RIC3: variants seen among roughly 807,000 people sequenced by gnomAD.
The protein encoded by RIC3 is protein RIC-3.
RIC3 carries 28 observed loss-of-function variants against 27.3 expected under a neutral mutation model. The ratio of observed to expected loss-of-function variants is 1.02; its 90% CI spans 0.76 to 1.41. The LOEUF (loss-of-function observed/expected upper bound fraction) is 1.41, where lower values mean the gene tolerates loss of function less well. Ranked by LOEUF, RIC3 falls within the 40% of genes most tolerant of loss-of-function variation. RIC3 has a pLI of 0.00. For missense variants in RIC3, 501 were observed against 444.7 expected (o/e 1.13, Z -1.14); for synonymous variants, 184 against 160.4 (o/e 1.15, Z -1.11).
the RIC3 span, chr11:8,100,974 T>C: frequency 6.2e-7 from 1 of 1,614,148 alleles, no homozygotes; most frequent in Non-Finnish European, 8.5e-7. Context: ...GTGAAGAACT[T>C]CCAGATCATC....
At chr11:8,143,857 C>G (rs1949350371) in intron 1 of RIC3, among the ~76,000 whole-genome samples, 1 of 152,050 alleles carries the variant, frequency 6.6e-6, no homozygotes. Flanking sequence ...CAGAACAGAG[C>G]CCTCAGAAAT....
the RIC3 span, among the ~76,000 whole-genome samples, chr11:8,100,071 G>A: frequency 6.6e-6 from 1 of 152,150 alleles, no homozygotes; most frequent in Non-Finnish European, 1.5e-5. Flanking sequence ...TGGGAAGGAG[G>A]AATAGGAGGG....
At chr11:8,166,975 G>C (rs1951749235) in intron 1 of RIC3, among the ~76,000 whole-genome samples, 1 of 151,970 alleles carries the variant, frequency 6.6e-6, no homozygotes, top group South Asian at 2.1e-4. Flanking sequence ...AAAATACATA[G>C]CTTTTATAAG....
chr11:8,142,484 T>C (rs1379443805), intron 1 of RIC3, among the ~76,000 whole-genome samples: 1 of 149,962 alleles, frequency 6.7e-6, no homozygotes, highest in Non-Finnish European at 1.5e-5. Context: ...CAGGAAGAAG[T>C]TGAATCTCTG....
intron 4 of RIC3, among the ~76,000 whole-genome samples, chr11:8,132,363 T>TA (rs1319215084): frequency 2.0e-5 from 3 of 152,206 alleles, no homozygotes; most frequent in African/African-American, 7.2e-5. Flanking sequence ...AGCAAATCGT[T>TA]ACATTCCTCC....
chr11:8,138,295 G>C lies in RIC3; in HGVS notation c.404C>G (p.Pro135Arg). The change falls in exon 3 of 6, where the codon CCT becomes CGT. Residue 135 changes from proline (P) to arginine (R), a missense_variant. Coordinates refer to ENST00000309737, the MANE Select transcript of RIC3 (RefSeq NM_001206671.4). Reference protein sequence around the residue: ...AEDGKCYTAMPGNTHRKITSF... With the variant: ...AEDGKCYTAMRGNTHRKITSF... ...ACTAATTTTCCTGTGGGTGTTTCCA[G>C]GCATGGCAGTATAGCATTTCCCATC... The C allele has an allele frequency of 6.2e-7, 1 of 1,613,366 alleles. No homozygotes were observed. The highest frequency in any genetic ancestry group is 8.5e-7 in the Non-Finnish European group (1 of 1,179,400).
chr11:8,106,854 G>A lies in RIC3; in HGVS notation c.*3844C>T, dbSNP rs1021215185. 4 of 152,222 alleles carry A rather than the reference G, an allele frequency of 2.6e-5. No individual in the cohort carries two copies. Among genetic ancestry groups the A allele is most frequent in the African/African-American group, 7.2e-5 (3 of 41,448 alleles). The allele number at this position is 152,222 out of a possible 1,614,324, so 9.4% of individuals were successfully genotyped here. On this transcript the variant is annotated 3_prime_UTR_variant, in exon 6 of 6. Transcript: ENST00000309737. The stretch of plus-strand genomic sequence containing the variant: ...GGCCCTGGGCCACTCCTGGCAATCA[G>A]GGTAGCCTTAGAGGGTGTCAGGTGT...
intron 1 of RIC3, among the ~76,000 whole-genome samples, chr11:8,165,998 A>C (rs1304314607): frequency 6.6e-6 from 1 of 152,108 alleles, no homozygotes; most frequent in Non-Finnish European, 1.5e-5. Context: ...TATGTGGCCC[A>C]AGCTGGTCTC....
chr11:8,137,501 T>G, intron 3 of RIC3, 30 bp from the exon 4 acceptor site: 1 of 1,588,900 alleles, frequency 6.3e-7, no homozygotes, highest in Non-Finnish European at 8.6e-7. Flanking sequence ...CTAAGAACCA[T>G]CAGAGACAAC....
chr11:8,135,689 G>C (rs1204252960), intron 4 of RIC3: 3 of 152,174 alleles, frequency 2.0e-5, no homozygotes, highest in Admixed American at 2.0e-4. Flanking sequence ...TCCTTGAAGA[G>C]GTCCTTCACA....
At chr11:8,124,849 A>G (rs2133589000) in intron 5 of RIC3, among the ~76,000 whole-genome samples, 2 of 152,326 alleles carry the variant, frequency 1.3e-5, no homozygotes, top group African/African-American at 4.8e-5. Flanking sequence ...TCATCTATAA[A>G]GGTTAACTCA....
downstream of RIC3, among the ~76,000 whole-genome samples, chr11:8,101,226 G>A (rs141617154): frequency 7.5e-4 from 114 of 152,274 alleles, no homozygotes; most frequent in Admixed American, 2.2e-3. Context: ...TCTCAGGCAC[G>A]GGAACACCCT....
At chr11:8,162,621 T>C (rs1343875821) in intron 1 of RIC3, among the ~76,000 whole-genome samples, 4 of 147,744 alleles carry the variant, frequency 2.7e-5, no homozygotes, top group Non-Finnish European at 6.0e-5. Flanking sequence ...CAAGGCTCCA[T>C]GCTTCTTCTT....
In RIC3 at chr11:8,110,569, G is replaced by T. The variant is rs1324645384; in HGVS notation, c.*129C>A. 1 of 826,766 alleles carries T rather than the reference G, an allele frequency of 1.2e-6. No homozygotes were observed. The highest frequency in any genetic ancestry group is 2.1e-6 in the Non-Finnish European group (1 of 481,538). The allele number at this position is 826,766 out of a possible 1,614,324, so 51.2% of individuals were successfully genotyped here. On this transcript the variant is annotated 3_prime_UTR_variant, in exon 6 of 6. Transcript: ENST00000309737. ...ACCAGGAAGGATACATGATATCCATGATAGTGGCCTGATAGCTATGACACT... is the reference window on the plus strand; with the variant it reads ...ACCAGGAAGGATACATGATATCCATTATAGTGGCCTGATAGCTATGACACT...
In RIC3 at chr11:8,125,868, G is replaced by A. The variant is rs1355908831; in HGVS notation, c.670+791C>T. On this transcript the variant is annotated intron_variant, in intron 5 of 5. Transcript: ENST00000309737. ...AGCCTGGCCAACATGGTGAAACTCC[G>A]TCTCTACTAAAAATACAAAAATTAT... Among the ~76,000 whole-genome samples the A allele has an allele frequency of 5.3e-5, 8 of 152,044 alleles. No individual in the cohort carries two copies. The South Asian group carries it at 8.3e-4, about 16-fold the overall frequency.
At chr11:8,161,793 G>T (rs1951187057) in intron 1 of RIC3, among the ~76,000 whole-genome samples, 1 of 150,718 alleles carries the variant, frequency 6.6e-6, no homozygotes, top group African/African-American at 2.4e-5. Flanking sequence ...ATGACTTGAG[G>T]CCAGGAGTTC....
chr11:8,111,254 T>A, intron 5 of RIC3, 117 bp from the exon 6 acceptor site: 1 of 720,260 alleles, frequency 1.4e-6, no homozygotes, highest in Non-Finnish European at 2.3e-6. Context: ...ACAAATCCAT[T>A]CAAGACATCT....
At chr11:8,135,043 G>A (rs967780029) in intron 4 of RIC3, among the ~76,000 whole-genome samples, 1 of 152,140 alleles carries the variant, frequency 6.6e-6, no homozygotes, top group African/African-American at 2.4e-5. Flanking sequence ...TGCTTTTGGT[G>A]TCTTAGACAT....
chr11:8,151,212 G>A (rs1950187113), intron 1 of RIC3, among the ~76,000 whole-genome samples: 1 of 152,206 alleles, frequency 6.6e-6, no homozygotes, highest in South Asian at 2.1e-4. Context: ...AACCCACTGA[G>A]TGGGAGAAAA....
Sources: allele counts gnomAD v4.1 joint callset (sites outside exome capture counted in the v4.1 genomes callset), GRCh38; gene constraint gnomAD v4.1.1; transcripts MANE v1.5; gene names NCBI Gene and HGNC (gene_info 2026-07-23, HGNC 2026-07-21).